CACNA2D1: variants seen among roughly 807,000 people sequenced by gnomAD.
CACNA2D1 encodes the protein voltage-dependent calcium channel subunit alpha-2/delta-1.
In CACNA2D1, 53 loss-of-function variants were observed where a neutral mutation model predicts 171.5. The ratio of observed to expected loss-of-function variants is 0.31; its 90% CI spans 0.25 to 0.39. The LOEUF (loss-of-function observed/expected upper bound fraction) is 0.39. CACNA2D1 is among the 10% of genes least tolerant of loss of function. CACNA2D1 has a pLI of 1.00. For synonymous variants in CACNA2D1, 442 were observed against 443.1 expected (o/e 1.00, Z 0.03); for missense variants, 903 against 1,299.8 (o/e 0.69, Z 4.69).
intron 12 of CACNA2D1, chr7:82,030,082 T>C (rs1802484553): frequency 6.6e-6 from 1 of 151,870 alleles, no homozygotes; most frequent in South Asian, 2.1e-4. Context: ...CTTTTTATCA[T>C]GTGGTTTATC....
chr7:82,413,527 C>T (rs1181126885), intron 1 of CACNA2D1, among the ~76,000 whole-genome samples: 4 of 152,296 alleles, frequency 2.6e-5, no homozygotes, highest in Admixed American at 2.0e-4. Flanking sequence ...AATAAATGGA[C>T]TTGTTCTATT....
At chr7:82,290,525 C>A (rs893811872) in intron 3 of CACNA2D1, among the ~76,000 whole-genome samples, 3 of 151,104 alleles carry the variant, frequency 2.0e-5, no homozygotes, top group Admixed American at 6.6e-5. Context: ...CATATTTTCC[C>A]CATATAATAT....
At chr7:82,400,514 A>G (rs62465976) in intron 1 of CACNA2D1, among the ~76,000 whole-genome samples, 27,970 of 150,972 alleles carry the variant, frequency 0.19, 3,053 homozygotes, top group East Asian at 0.45. Context: ...GTAGAAAGCT[A>G]AAACTGGATC....
chr7:82,090,768 C>T (rs555261266), intron 6 of CACNA2D1, among the ~76,000 whole-genome samples: 3 of 152,006 alleles, frequency 2.0e-5, no homozygotes, highest in Non-Finnish European at 4.4e-5. Flanking sequence ...TTACCTCCTC[C>T]ACACCTTTAA....
chr7:82,421,195 G>T lies in CACNA2D1; in HGVS notation c.95+22170C>A, dbSNP rs1210987319. Among the ~76,000 whole-genome samples the T allele has an allele frequency of 2.0e-5, 3 of 152,072 alleles. No individual in the cohort carries two copies. In the East Asian group the frequency reaches 5.8e-4, roughly 29 times the overall value. The stretch of plus-strand genomic sequence containing the variant: ...GAGACAGTTTCTGATGTTAGAAAGG[G>T]GAAAACCTCAGGAAGCATTCTTTCA... On this transcript the variant is annotated intron_variant, in intron 1 of 38. Coordinates refer to ENST00000356860, the MANE Select transcript of CACNA2D1 (RefSeq NM_000722.4).
intron 12 of CACNA2D1, among the ~76,000 whole-genome samples, chr7:82,031,648 T>C (rs1040574953): frequency 4.6e-5 from 7 of 151,972 alleles, no homozygotes; most frequent in African/African-American, 9.7e-5. Flanking sequence ...CAAATACTCA[T>C]AGGCCGAAAA....
At chr7:82,248,921 T>A (rs1478936773) in intron 3 of CACNA2D1, among the ~76,000 whole-genome samples, 2 of 151,492 alleles carry the variant, frequency 1.3e-5, no homozygotes, top group East Asian at 2.0e-4. Flanking sequence ...ATCGAGACCA[T>A]CCTGGCTAAT....
intron 6 of CACNA2D1, among the ~76,000 whole-genome samples, chr7:82,096,667 T>A: frequency 6.8e-6 from 1 of 148,140 alleles, no homozygotes; most frequent in South Asian, 2.2e-4. Flanking sequence ...AAGGACAAAC[T>A]CTCAATATCA....
chr7:82,293,353 A>C (rs1329008777), intron 3 of CACNA2D1, among the ~76,000 whole-genome samples: 3 of 152,040 alleles, frequency 2.0e-5, no homozygotes, highest in African/African-American at 7.2e-5. Flanking sequence ...GCTTTCTTCA[A>C]TCATACATAA....
Position 82,342,124 on chromosome 7 carries a change from C to CT in CACNA2D1, c.178-6874dup, listed in dbSNP as rs1287015591. 1.1e-3 allele frequency among the ~76,000 whole-genome samples: 167 copies of CT among 149,658 alleles called. 1 individual carries two copies. Among genetic ancestry groups the CT allele is most frequent in the Non-Finnish European group, 2.2e-3 (150 of 67,538 alleles). The stretch of plus-strand genomic sequence containing the variant: ...ATCTTCACTCTAAGTAAATTATGGC[C>CT]TTTTTTTTCTTTTCCCTATAACCTA... On this transcript the variant is annotated intron_variant, in intron 2 of 38. Coordinates refer to ENST00000356860, the MANE Select transcript of CACNA2D1 (RefSeq NM_000722.4).
intron 10 of CACNA2D1, among the ~76,000 whole-genome samples, chr7:82,052,763 A>C (rs1449286803): frequency 6.6e-6 from 1 of 152,220 alleles, no homozygotes; most frequent in Non-Finnish European, 1.5e-5. Context: ...ATTTAGCCTC[A>C]TAACTTTTTG....
intron 10 of CACNA2D1, among the ~76,000 whole-genome samples, chr7:82,059,019 T>G (rs1378582620): frequency 6.6e-6 from 1 of 152,112 alleles, no homozygotes; most frequent in Non-Finnish European, 1.5e-5. Flanking sequence ...TACCTGGAGC[T>G]TCAGGTGAGA....
chr7:82,208,729 A>C (rs988792294), intron 3 of CACNA2D1, among the ~76,000 whole-genome samples: 3 of 152,148 alleles, frequency 2.0e-5, no homozygotes, highest in African/African-American at 7.2e-5. Flanking sequence ...CCAGTACACA[A>C]CGTTTTAGTA....
At chr7:82,150,815 A>C (rs529841070) in intron 4 of CACNA2D1, among the ~76,000 whole-genome samples, 12 of 152,278 alleles carry the variant, frequency 7.9e-5, no homozygotes, top group Non-Finnish European at 1.5e-4. Context: ...TTTGTAAAAA[A>C]ATTTTGTTAA....
intron 1 of CACNA2D1, among the ~76,000 whole-genome samples, chr7:82,407,554 T>C (rs1028115779): frequency 1.3e-5 from 2 of 152,218 alleles, no homozygotes; most frequent in African/African-American, 2.4e-5. Flanking sequence ...ATTTATGCTA[T>C]TATAAATTCA....
intron 6 of CACNA2D1, among the ~76,000 whole-genome samples, chr7:82,091,505 C>T (rs554947478): frequency 3.9e-5 from 6 of 152,128 alleles, no homozygotes; most frequent in Admixed American, 6.5e-5. Context: ...GAAATCTGCA[C>T]GCTGTGGAGC....
chr7:82,022,952 A>G (rs1044481695), intron 12 of CACNA2D1, among the ~76,000 whole-genome samples: 1 of 151,778 alleles, frequency 6.6e-6, no homozygotes, highest in Non-Finnish European at 1.5e-5. Flanking sequence ...ATGTTTTTTC[A>G]TTTTTTAAAT....
At chr7:82,204,057 T>G (rs753167633) in intron 3 of CACNA2D1, among the ~76,000 whole-genome samples, 3 of 152,166 alleles carry the variant, frequency 2.0e-5, no homozygotes, top group Non-Finnish European at 2.9e-5. Flanking sequence ...ACCTCAAGCC[T>G]TCACCGTTTA....
intron 6 of CACNA2D1, among the ~76,000 whole-genome samples, chr7:82,097,251 A>G (rs774868880): frequency 6.6e-6 from 1 of 152,198 alleles, no homozygotes; most frequent in Non-Finnish European, 1.5e-5. Flanking sequence ...ACATGATTAT[A>G]ATAATCTAGG....
Sources: allele counts gnomAD v4.1 joint callset (sites outside exome capture counted in the v4.1 genomes callset), GRCh38; gene constraint gnomAD v4.1.1; transcripts MANE v1.5; gene names NCBI Gene and HGNC (gene_info 2026-07-23, HGNC 2026-07-21).